The following ATAD2B variants were observed in gnomAD, a reference collection of about 807,000 sequenced individuals.
The protein encoded by ATAD2B is ATPase family AAA domain-containing protein 2B.
Under a neutral mutation model 167.6 loss-of-function variants are expected in ATAD2B, and 40 were observed. The observed-to-expected ratio is 0.24, with a 90% CI of 0.19 to 0.31. ATAD2B has a LOEUF of 0.31. Ranked by LOEUF, ATAD2B falls within the 10% of genes least tolerant of loss-of-function variation. The probability of loss-of-function intolerance (pLI) is 1.00; values close to 1 mark genes in which losing one functional copy is unlikely to be tolerated. For missense variants in ATAD2B, 1,242 were observed against 1,757.2 expected, an observed-to-expected ratio of 0.71 and a Z score of 5.24; for synonymous variants, 579 against 596.5, an observed-to-expected ratio of 0.97 and a Z score of 0.43.
Position 23,887,962 on chromosome 2 carries a change from C to G in ATAD2B, c.442G>C (p.Gly148Arg), listed in dbSNP as rs1244819877. 1 of 1,599,270 alleles carries G rather than the reference C, an allele frequency of 6.3e-7. No homozygotes were observed. Among genetic ancestry groups the G allele is most frequent in the Non-Finnish European group, 8.5e-7 (1 of 1,174,732 alleles). The change falls in exon 4 of 28, where the codon GGG becomes CGG. Residue 148 changes from glycine (G) to arginine (R), a missense_variant. Physicochemically the swap from Gly to Arg is moderately radical, Grantham distance 125. Around this residue, in one of 9 missense-constraint regions of ATAD2B, gnomAD observed 199 missense variants for 194.9 expected, o/e 1.02. Coordinates refer to ENST00000238789, the MANE Select transcript of ATAD2B (RefSeq NM_017552.4). ...GLSLRSHPLR[G>R]EKKGDGDLSC... ...AGGTCCCCATCTCCCTTCTTTTCCCCTCGAAGGGGATGGCTTCGAAGGGCT... is the reference window on the plus strand; with the variant it reads ...AGGTCCCCATCTCCCTTCTTTTCCCGTCGAAGGGGATGGCTTCGAAGGGCT...
At chr2:23,726,258 G>C in the ATAD2B span, among the ~76,000 whole-genome samples, 1 of 152,192 alleles carries the variant, frequency 6.6e-6, no homozygotes, top group Non-Finnish European at 1.5e-5. Context: ...GTTTAAGGGT[G>C]CTGACTCCTG....
intron 7 of ATAD2B, among the ~76,000 whole-genome samples, chr2:23,880,291 C>T (rs1465559793): frequency 2.0e-5 from 3 of 152,192 alleles, no homozygotes; most frequent in East Asian, 3.9e-4. Context: ...AAAAAAAATA[C>T]AGTACATAAA....
intron 22 of ATAD2B, among the ~76,000 whole-genome samples, chr2:23,772,635 T>C (rs1472593572): frequency 4.0e-5 from 6 of 150,054 alleles, no homozygotes. Context: ...AAAGAATAAA[T>C]GAAGAAAAAA....
the ATAD2B span, among the ~76,000 whole-genome samples, chr2:23,736,241 T>A: frequency 6.6e-6 from 1 of 152,194 alleles, no homozygotes; most frequent in Non-Finnish European, 1.5e-5. Context: ...CCCCCATTGT[T>A]ACTATTTTCA....
At chr2:23,885,367 C>T (rs1316313146) in intron 5 of ATAD2B, among the ~76,000 whole-genome samples, 1 of 152,172 alleles carries the variant, frequency 6.6e-6, no homozygotes. Flanking sequence ...TTTGTTTACA[C>T]TTAGGCAATG....
At chr2:23,904,883 C>A (rs1457506812) in intron 1 of ATAD2B, among the ~76,000 whole-genome samples, 1 of 151,932 alleles carries the variant, frequency 6.6e-6, no homozygotes, top group East Asian at 1.9e-4. Flanking sequence ...ACCATGACTG[C>A]AAAAAACAAA....
At chr2:23,876,745 T>G (rs1256902440) in intron 7 of ATAD2B, among the ~76,000 whole-genome samples, 3 of 152,110 alleles carry the variant, frequency 2.0e-5, no homozygotes, top group Admixed American at 6.6e-5. Flanking sequence ...TCTTTGAGAC[T>G]ATGAGATTTC....
chr2:23,746,478 C>T (rs1345309207), downstream of ATAD2B, among the ~76,000 whole-genome samples: 5 of 152,208 alleles, frequency 3.3e-5, no homozygotes, highest in Non-Finnish European at 7.3e-5. Context: ...TCCTTGAAGA[C>T]AGACACAATG....
the ATAD2B span, chr2:23,696,747 G>C: frequency 1.1e-5 from 5 of 474,962 alleles, no homozygotes; most frequent in Admixed American, 4.0e-5. The surrounding 1 kb of genome is among the most constrained non-coding windows in gnomAD (Gnocchi z 5.5). Flanking sequence ...ATGGGAGATG[G>C]GGCGCTTCTG....
At chr2:23,710,007 A>G in the ATAD2B span, among the ~76,000 whole-genome samples, 23 of 152,206 alleles carry the variant, frequency 1.5e-4, no homozygotes, top group Non-Finnish European at 3.4e-4. Context: ...TCAGGAGTCC[A>G]TGAGACAAAG....
chr2:23,695,775 C>T, the ATAD2B span: 2 of 1,551,276 alleles, frequency 1.3e-6, no homozygotes, highest in Non-Finnish European at 1.7e-6. The surrounding 1 kb of genome is among the most constrained non-coding windows in gnomAD (Gnocchi z 7.6). Flanking sequence ...TGCCCCACGC[C>T]CGCCAGGAGA....
At chr2:23,876,857 C>G (rs1359104989) in intron 7 of ATAD2B, among the ~76,000 whole-genome samples, 2 of 151,860 alleles carry the variant, frequency 1.3e-5, no homozygotes, top group Non-Finnish European at 2.9e-5. Flanking sequence ...CACCTGAGGT[C>G]AGGAGTTCAA....
At chr2:23,691,116 C>G in the ATAD2B span, 1 of 154,736 alleles carries the variant, frequency 6.5e-6, no homozygotes, top group Non-Finnish European at 1.4e-5. Context: ...GCTTCCTTTT[C>G]ATGCCTAAAA....
At chr2:23,850,734 G>C (rs1355449130) in intron 13 of ATAD2B, among the ~76,000 whole-genome samples, 3 of 152,204 alleles carry the variant, frequency 2.0e-5, no homozygotes, top group East Asian at 1.9e-4. Context: ...GATACTGTAA[G>C]AGCAGATACG....
chr2:23,780,563 A>C (rs1679870678), intron 22 of ATAD2B, among the ~76,000 whole-genome samples: 1 of 152,146 alleles, frequency 6.6e-6, no homozygotes, highest in Non-Finnish European at 1.5e-5. Flanking sequence ...TCATTTTACC[A>C]TATGGCCTGG....
chr2:23,756,362 A>C (rs1572630878), intron 25 of ATAD2B, among the ~76,000 whole-genome samples: 1 of 152,250 alleles, frequency 6.6e-6, no homozygotes, highest in Non-Finnish European at 1.5e-5. Context: ...CCTGCTTCCT[A>C]ACTCTGCTAA....
At position 23,810,377 on chromosome 2, in the gene ATAD2B, C is replaced by T; in HGVS notation, c.2393G>A (p.Arg798Lys). ...TGAATAAAGTGCTGGGAGATCTAGT[C>T]TATGCACAGAGAATCTTTCTAGAGT... ...LHTLERFSVHRLDLPALYSVS... is the reference protein window; with the variant it reads ...LHTLERFSVHKLDLPALYSVS... Residue 798 changes from arginine to lysine, a missense_variant, in exon 18 of 28, where the codon AGA becomes AAA. Transcript: ENST00000238789. 1 of 1,613,908 alleles carries T rather than the reference C, an allele frequency of 6.2e-7. No individual in the cohort carries two copies. Among genetic ancestry groups the T allele is most frequent in the Non-Finnish European group, 8.5e-7 (1 of 1,179,846 alleles).
At chr2:23,737,324 G>T in the ATAD2B span, among the ~76,000 whole-genome samples, 18,149 of 152,062 alleles carry the variant, frequency 0.12, 1,155 homozygotes, top group Middle Eastern at 0.21. Context: ...CACCTCACAC[G>T]GCTTGATACT....
intron 23 of ATAD2B, among the ~76,000 whole-genome samples, chr2:23,763,743 C>T (rs958785215): frequency 1.3e-5 from 2 of 152,130 alleles, no homozygotes; most frequent in African/African-American, 4.8e-5. Flanking sequence ...GTGTACACCA[C>T]CACGCCTAGC....
Sources: allele counts gnomAD v4.1 joint callset (sites outside exome capture counted in the v4.1 genomes callset), GRCh38; gene constraint gnomAD v4.1.1; regional missense constraint gnomAD v4.1.1; non-coding constraint Gnocchi (gnomAD v3.1); transcripts MANE v1.5; gene names NCBI Gene and HGNC (gene_info 2026-07-23, HGNC 2026-07-21).